Variants in MKLN1 observed in about 807,000 individuals in gnomAD.
MKLN1 encodes the protein muskelin.
Under a neutral mutation model 99.0 loss-of-function variants are expected in MKLN1, and 18 were observed. The ratio of observed to expected loss-of-function variants is 0.18; its 90% CI spans 0.13 to 0.27. The LOEUF (loss-of-function observed/expected upper bound fraction) is 0.27. Among genes scored for constraint, MKLN1 ranks in the 10% least tolerant of loss-of-function variants. The pLI is 1.00. For missense variants in MKLN1, 621 were observed against 875.9 expected, an observed-to-expected ratio of 0.71 and a Z score of 3.67; for synonymous variants, 288 against 293.2, an observed-to-expected ratio of 0.98 and a Z score of 0.18.
At chr7:131,354,412 T>A (rs150108413) in intron 1 of MKLN1, among the ~76,000 whole-genome samples, 73 of 152,206 alleles carry the variant, frequency 4.8e-4, no homozygotes, top group African/African-American at 1.5e-3. Flanking sequence ...GCTTTTAATC[T>A]TGGGTTTCAC....
chr7:131,362,268 C>T (rs564798258), intron 1 of MKLN1, among the ~76,000 whole-genome samples: 11 of 151,924 alleles, frequency 7.2e-5, no homozygotes, highest in East Asian at 1.9e-4. Context: ...AATAGTATAG[C>T]GTACTCCATT....
At chr7:131,148,007 T>A (rs935406409) in intron 2 of MKLN1, among the ~76,000 whole-genome samples, 11 of 152,194 alleles carry the variant, frequency 7.2e-5, no homozygotes, top group African/African-American at 2.7e-4. Flanking sequence ...AGATTTTCTA[T>A]GTTTTAGGTA....
At chr7:131,340,697 A>G (rs761335386) in intron 1 of MKLN1, among the ~76,000 whole-genome samples, 4 of 152,228 alleles carry the variant, frequency 2.6e-5, no homozygotes, top group Non-Finnish European at 5.9e-5. Flanking sequence ...TCCAAGCATA[A>G]TATTTATTAA....
intron 3 of MKLN1, among the ~76,000 whole-genome samples, chr7:131,319,067 A>G (rs1436194834): frequency 6.6e-6 from 1 of 152,198 alleles, no homozygotes; most frequent in Non-Finnish European, 1.5e-5. Context: ...ACAACAGAAA[A>G]AGAGGGACTC....
chr7:131,451,864 G>C (rs1796188665), intron 12 of MKLN1, among the ~76,000 whole-genome samples: 1 of 152,176 alleles, frequency 6.6e-6, no homozygotes, highest in Non-Finnish European at 1.5e-5. Flanking sequence ...CACACCACCA[G>C]AGTTTTGTAG....
rs1797517087 is a variant in MKLN1 at position 131,494,931 on chromosome 7, AC to A, written c.*7204del. Reference sequence around the variant, plus strand: ...TTTATAAATATACATACATACACATACACATACATTTTTAAAATGCTCTTTT... The same window carrying A: ...TTTATAAATATACATACATACACATAACATACATTTTTAAAATGCTCTTTT... On this transcript the variant is annotated 3_prime_UTR_variant, in exon 18 of 18. Transcript: ENST00000352689. 1.3e-5 allele frequency: 2 copies of A among 152,176 alleles called. No individual in the cohort carries two copies. Among genetic ancestry groups the A allele is most frequent in the Non-Finnish European group, 2.9e-5 (2 of 68,042 alleles). 9.4% of individuals were successfully genotyped at this position (152,176 alleles called of 1,614,324 possible).
At chr7:131,372,721 G>GT (rs551063120) in intron 1 of MKLN1, among the ~76,000 whole-genome samples, 2,261 of 130,522 alleles carry the variant, frequency 0.017, 32 homozygotes, top group South Asian at 0.051. Context: ...TATCCCCTAG[G>GT]TTTTTTTTTT....
intron 12 of MKLN1, among the ~76,000 whole-genome samples, chr7:131,459,195 C>T (rs988254426): frequency 1.4e-4 from 21 of 152,254 alleles, no homozygotes; most frequent in African/African-American, 4.3e-4. Flanking sequence ...CTTCTTGGCC[C>T]CTCTGTGTAG....
intron 3 of MKLN1, among the ~76,000 whole-genome samples, chr7:131,302,494 G>A (rs1373138880): frequency 1.3e-5 from 2 of 152,180 alleles, no homozygotes; most frequent in East Asian, 3.9e-4. Flanking sequence ...CCAAAAGGCT[G>A]TTTGGTTCCA....
intron 7 of MKLN1, among the ~76,000 whole-genome samples, chr7:131,412,385 TAGAA>T (rs1794907016): frequency 1.3e-5 from 2 of 152,196 alleles, no homozygotes; most frequent in Admixed American, 6.5e-5. Context: ...ATAAGAAAAA[TAGAA>T]AGGCAGAAGA....
intron 2 of MKLN1, among the ~76,000 whole-genome samples, chr7:131,168,022 G>A (rs1796150701): frequency 6.6e-6 from 1 of 152,138 alleles, no homozygotes; most frequent in Admixed American, 6.5e-5. Flanking sequence ...TTAGGCTAAT[G>A]GAATTATTGG....
Position 131,118,405 on chromosome 7 carries a change from T to C in MKLN1, c.-419+8198T>C, listed in dbSNP as rs139419756. Reference sequence around the variant, plus strand: ...CCCATCTCTACTAAAAATACAAAATTAGCTGGGCACAGTGGTGGGCACCTG... The same window carrying C: ...CCCATCTCTACTAAAAATACAAAATCAGCTGGGCACAGTGGTGGGCACCTG... On this transcript the variant is annotated intron_variant, in intron 1 of 7. Transcript: ENST00000416992. 6.2e-4 allele frequency among the ~76,000 whole-genome samples: 94 copies of C among 152,042 alleles called. No homozygotes were observed. The East Asian group carries it at 0.011, about 18-fold the overall frequency.
At chr7:131,387,541 TC>T (rs1289017307) in intron 3 of MKLN1, among the ~76,000 whole-genome samples, 1 of 152,176 alleles carries the variant, frequency 6.6e-6, no homozygotes, top group African/African-American at 2.4e-5. Flanking sequence ...GTTAATGACT[TC>T]AGAAATATTT....
At chr7:131,411,463 T>G in intron 7 of MKLN1, 80 bp downstream of exon 7, 1 of 923,532 alleles carries the variant, frequency 1.1e-6, no homozygotes, top group South Asian at 1.4e-5. Flanking sequence ...TCAAGTATCA[T>G]AGTACTAAGT....
intron 17 of MKLN1, among the ~76,000 whole-genome samples, chr7:131,484,686 G>GA (rs1432305299): frequency 6.6e-6 from 1 of 152,140 alleles, no homozygotes; most frequent in Non-Finnish European, 1.5e-5. Flanking sequence ...GAACGTAAGA[G>GA]AAAGAACTAA....
At chr7:131,468,086 A>T (rs1373048152) in intron 15 of MKLN1, among the ~76,000 whole-genome samples, 2 of 152,208 alleles carry the variant, frequency 1.3e-5, no homozygotes, top group Admixed American at 1.3e-4. Context: ...GCAGAGGAAG[A>T]GACACTCCAC....
chr7:131,408,185 C>CCATACTCT, intron 6 of MKLN1, among the ~76,000 whole-genome samples: 1 of 152,004 alleles, frequency 6.6e-6, no homozygotes, highest in South Asian at 2.1e-4. Context: ...TGCCAAAAAT[C>CCATACTCT]CATACTCTCT....
chr7:131,221,859 G>A (rs1178837405), intron 3 of MKLN1, among the ~76,000 whole-genome samples: 1 of 151,412 alleles, frequency 6.6e-6, no homozygotes, highest in East Asian at 1.9e-4. Context: ...AATAGTTCTT[G>A]CTGTGTGACA....
At chr7:131,313,277 C>T (rs1456219307) in intron 3 of MKLN1, among the ~76,000 whole-genome samples, 1 of 152,074 alleles carries the variant, frequency 6.6e-6, no homozygotes, top group African/African-American at 2.4e-5. Context: ...TCAGTGGTAC[C>T]ATGTAGACAA....
Sources: gnomAD v4.1 joint callset for allele counts (sites outside exome capture counted in the v4.1 genomes callset) on GRCh38, gnomAD v4.1.1 for gene constraint, MANE v1.5 for transcripts, NCBI Gene and HGNC (gene_info 2026-07-23, HGNC 2026-07-21) for gene names.